Variants in DYSF observed in about 807,000 individuals in gnomAD.
DYSF encodes dysferlin.
Under a neutral mutation model 274.9 loss-of-function variants are expected in DYSF, and 212 were observed. That is an observed-to-expected ratio of 0.77 (90% CI 0.69 to 0.86). The LOEUF (loss-of-function observed/expected upper bound fraction) is 0.86. Ranked by LOEUF, DYSF falls within the 40% of genes least tolerant of loss-of-function variation. DYSF has a pLI of 0.00. For synonymous variants in DYSF, 1,091 were observed against 1,078.7 expected, an observed-to-expected ratio of 1.01 and a Z score of -0.22; for missense variants, 2,666 against 2,783.2, an observed-to-expected ratio of 0.96 and a Z score of 0.95.
intron 41 of DYSF, among the ~76,000 whole-genome samples, chr2:71,622,541 A>AATTGGG (rs2094130119): frequency 6.6e-6 from 1 of 152,196 alleles, no homozygotes; most frequent in Non-Finnish European, 1.5e-5. Context: ...GATTTCCATT[A>AATTGGG]ATTGGGATGA....
chr2:71,530,584 C>T (rs748619073), intron 14 of DYSF, among the ~76,000 whole-genome samples: 5 of 152,080 alleles, frequency 3.3e-5, no homozygotes, highest in Non-Finnish European at 7.4e-5. Context: ...CAAGAAGCTG[C>T]GCCTCCCATT....
intron 41 of DYSF, among the ~76,000 whole-genome samples, chr2:71,637,206 TGACCCAGAGGG>T (rs1169033381): frequency 6.6e-6 from 1 of 152,084 alleles, no homozygotes; most frequent in Non-Finnish European, 1.5e-5. Flanking sequence ...CTAACTGGAA[TGACCCAGAGGG>T]GAGGGATGTT....
At chr2:71,468,153 T>C (rs13385371) in intron 1 of DYSF, among the ~76,000 whole-genome samples, 39,766 of 152,190 alleles carry the variant, frequency 0.26, 5,932 homozygotes, top group East Asian at 0.42. Flanking sequence ...AGACAAAGTC[T>C]TTCCTTCTCC....
intron 30 of DYSF, among the ~76,000 whole-genome samples, chr2:71,584,653 A>T (rs1315570276): frequency 1.3e-5 from 2 of 152,128 alleles, no homozygotes; most frequent in African/African-American, 4.8e-5. Context: ...TCTTCATTGG[A>T]CGCCCACTAC....
intron 42 of DYSF, among the ~76,000 whole-genome samples, chr2:71,647,663 T>G (rs1362806820): frequency 6.6e-6 from 1 of 152,226 alleles, no homozygotes; most frequent in East Asian, 1.9e-4. Context: ...AGAAGATACA[T>G]GCAGAATGTT....
Position 71,615,755 on chromosome 2 carries a change from T to G in DYSF, c.4464+2345T>G, listed in dbSNP as rs1439115410. On this transcript the variant is annotated intron_variant, in intron 40 of 55. Coordinates refer to ENST00000410020, the MANE Select transcript of DYSF (RefSeq NM_001130987.2). The surrounding 1 kb of genome is among the most constrained non-coding windows in gnomAD (Gnocchi z 4.9). ...GGCTGGGCTTTCTTCCTCTCCCTCC[T>G]TCCCCAGTGCAGATAGCATGAAGGG... 6.6e-6 allele frequency among the ~76,000 whole-genome samples: 1 copy of G among 152,108 alleles called. No individual in the cohort carries two copies. The highest frequency in any genetic ancestry group is 1.5e-5 in the Non-Finnish European group (1 of 67,996).
At chr2:71,515,162 T>C (rs28664575) in intron 7 of DYSF, among the ~76,000 whole-genome samples, 16,524 of 152,302 alleles carry the variant, frequency 0.11, 1,171 homozygotes, top group African/African-American at 0.19. Flanking sequence ...AAATTCTTAA[T>C]TTATTTCTCA....
In DYSF at chr2:71,658,875, C is replaced by T. The variant is rs371227553; in HGVS notation, c.4756-3C>T. On this transcript the variant is annotated splice_region_variant and splice_polypyrimidine_tract_variant and intron_variant, in intron 43 of 55. Coordinates refer to ENST00000410020, the MANE Select transcript of DYSF (RefSeq NM_001130987.2). ...ATGAAAATTAACCCTTCCTTCTTTT[C>T]AGGGCCTCTTCAAAATTTATCCCCT... is the stretch of plus-strand genomic sequence containing the variant. 2.7e-4 allele frequency: 431 copies of T among 1,614,178 alleles called. 2 individuals carry two copies. The African/African-American group carries it at 5.0e-3, about 19-fold the overall frequency.
intron 43 of DYSF, among the ~76,000 whole-genome samples, chr2:71,658,006 A>T (rs2094804944): frequency 6.6e-6 from 1 of 152,188 alleles, no homozygotes; most frequent in African/African-American, 2.4e-5. Context: ...TTTCTTCTGC[A>T]TCATCAGGCT....
At chr2:71,456,992 T>C (rs1033276884) in intron 1 of DYSF, among the ~76,000 whole-genome samples, 1 of 152,080 alleles carries the variant, frequency 6.6e-6, no homozygotes, top group African/African-American at 2.4e-5. Context: ...TGTGAAACAA[T>C]TGACCAAAAG....
rs549888676 is a variant in DYSF, at chr2:71,605,497, T to C, written c.3957+2692T>C. On this transcript the variant is annotated intron_variant, in intron 36 of 55. Coordinates refer to ENST00000410020, the MANE Select transcript of DYSF (RefSeq NM_001130987.2). ...CAGAACATGTGTAGAAGAAGACCCA[T>C]GGGGCTTGTGATCCTGACCATTTCG... is the stretch of plus-strand genomic sequence containing the variant. Among the ~76,000 whole-genome samples, 37 of 151,744 alleles carry C rather than the reference T, an allele frequency of 2.4e-4. 1 individual carries two copies. The South Asian group carries it at 7.5e-3, about 31-fold the overall frequency.
rs1321190583 is a variant in DYSF, at chr2:71,672,162, G to GGGAGACAGAAACTGGCTCGGCCGAAGGC, written c.5785-2017_5785-1990dup. On this transcript the variant is annotated intron_variant, in intron 51 of 55. Transcript: ENST00000410020. ...CGTGGCTCTGAAGTCAACCAGAGGTGGGAGACAGAAACTGGCTCGGCCGAA... is the reference window on the plus strand; with the variant it reads ...CGTGGCTCTGAAGTCAACCAGAGGTGGGAGACAGAAACTGGCTCGGCCGAAGGCGGAGACAGAAACTGGCTCGGCCGAA... Among the ~76,000 whole-genome samples the GGGAGACAGAAACTGGCTCGGCCGAAGGC allele has an allele frequency of 1.7e-3, 259 of 151,370 alleles. 2 individuals are homozygous for GGGAGACAGAAACTGGCTCGGCCGAAGGC. Among genetic ancestry groups the GGGAGACAGAAACTGGCTCGGCCGAAGGC allele is most frequent in the African/African-American group, 4.0e-3 (164 of 40,716 alleles).
chr2:71,471,663 A>T (rs1252675470), intron 1 of DYSF, among the ~76,000 whole-genome samples: 5 of 152,118 alleles, frequency 3.3e-5, no homozygotes, highest in Non-Finnish European at 7.3e-5. Context: ...AAATGTTTGC[A>T]CATTTGCTGA....
chr2:71,656,118 T>G (rs372717522), intron 42 of DYSF, 44 bp from the exon 43 acceptor site: 4 of 1,613,342 alleles, frequency 2.5e-6, no homozygotes, highest in Non-Finnish European at 3.4e-6. Flanking sequence ...TGTTCTACTT[T>G]CTTTCTGTCT....
intron 40 of DYSF, among the ~76,000 whole-genome samples, chr2:71,619,773 C>T (rs987319153): frequency 2.6e-5 from 4 of 152,164 alleles, no homozygotes; most frequent in Non-Finnish European, 5.9e-5. Context: ...TAGCCTGGTA[C>T]TCATTCACCC....
In DYSF at chr2:71,615,942, C is replaced by T. The variant is rs1217281168; in HGVS notation, c.4464+2532C>T. ...TGTTCACTGTGTCCTGGCTGTGGTC[C>T]TAGGACCCCTCCTAGCTCAAACCTG... On this transcript the variant is annotated intron_variant, in intron 40 of 55. Coordinates refer to ENST00000410020, the MANE Select transcript of DYSF (RefSeq NM_001130987.2). This position sits in a 1 kb window ranked among gnomAD's most constrained non-coding sequence, Gnocchi z 4.9. Among the ~76,000 whole-genome samples the T allele has an allele frequency of 6.6e-6, 1 of 152,188 alleles. No individual in the cohort carries two copies. The highest frequency in any genetic ancestry group is 1.5e-5 in the Non-Finnish European group (1 of 68,032).
intron 17 of DYSF, among the ~76,000 whole-genome samples, chr2:71,543,332 C>T (rs989599575): frequency 1.3e-5 from 2 of 150,862 alleles, no homozygotes; most frequent in Non-Finnish European, 3.0e-5. Flanking sequence ...TCCTCACTTC[C>T]TAGAGGGGAT....
chr2:71,618,411 TG>T (rs142055039), intron 40 of DYSF, among the ~76,000 whole-genome samples: 1 of 4,726 alleles, frequency 2.1e-4, no homozygotes, highest in Non-Finnish European at 4.1e-4. Context: ...GTGGTAGAGG[TG>T]GTGTGTGTGT....
chr2:71,527,545 T>C (rs947044277), intron 13 of DYSF, among the ~76,000 whole-genome samples: 6 of 152,146 alleles, frequency 3.9e-5, no homozygotes, highest in African/African-American at 1.2e-4. Flanking sequence ...TGTTTGCTTT[T>C]CTTAAGGTGA....
Sources: gnomAD v4.1 joint callset for allele counts (sites outside exome capture counted in the v4.1 genomes callset) on GRCh38, gnomAD v4.1.1 for gene constraint, Gnocchi (gnomAD v3.1) non-coding constraint, MANE v1.5 for transcripts, NCBI Gene and HGNC (gene_info 2026-07-23, HGNC 2026-07-21) for gene names.